TSHZ2: variants seen among roughly 807,000 people sequenced by gnomAD.
TSHZ2 encodes the protein teashirt homolog 2.
Under a neutral mutation model 74.4 loss-of-function variants are expected in TSHZ2, and 21 were observed. The ratio of observed to expected loss-of-function variants is 0.28; its 90% CI spans 0.20 to 0.41. The LOEUF (loss-of-function observed/expected upper bound fraction) is 0.41, where lower values mean the gene tolerates loss of function less well. TSHZ2 is among the 10% of genes least tolerant of loss of function. TSHZ2 has a pLI of 1.00. For missense variants in TSHZ2, 1,244 were observed against 1,293.5 expected, an observed-to-expected ratio of 0.96 and a Z score of 0.59; for synonymous variants, 540 against 515.3, an observed-to-expected ratio of 1.05 and a Z score of -0.65.
At chr20:53,175,131 C>CTTTT (rs750453219) in intron 1 of TSHZ2, among the ~76,000 whole-genome samples, 714 of 63,590 alleles carry the variant, frequency 0.011, 46 homozygotes, top group East Asian at 0.034. Context: ...CTTCTTCTTT[C>CTTTT]TTTTTTTTTT....
At position 53,469,658 on chromosome 20, in the gene TSHZ2, AAGG is replaced by A. The variant is rs1568931992; in HGVS notation, c.*9-17484_*9-17482del. Among the ~76,000 whole-genome samples the A allele has an allele frequency of 5.0e-5, 4 of 79,682 alleles. 1 individual carries two copies. Among genetic ancestry groups the A allele is most frequent in the South Asian group, 8.7e-4 (2 of 2,298 alleles). The allele number at this position is 79,682 out of a possible 152,430, so 52.3% of individuals were successfully genotyped here. A position where few individuals can be genotyped will look rare whatever the true frequency, so the allele number is the denominator to read the frequency against. ...GGAGGAAGGAAGGAAGGAAGGAAGG[AAGG>A]AAGGAAGGAAGGAAGGAAGGAAGGA... On this transcript the variant is annotated intron_variant, in intron 2 of 2. Transcript: ENST00000371497.
rs148630262 is a variant in TSHZ2 at position 53,111,146 on chromosome 20, G to A, written c.40+137813G>A. Among the ~76,000 whole-genome samples, 632 of 152,324 alleles carry A rather than the reference G, an allele frequency of 4.1e-3. 1 individual carries two copies. The highest frequency in any genetic ancestry group is 7.4e-3 in the Non-Finnish European group (504 of 68,026). On this transcript the variant is annotated intron_variant, in intron 1 of 2. Coordinates refer to ENST00000371497, the MANE Select transcript of TSHZ2 (RefSeq NM_173485.6). ...AGTTCAGAAATCAAAATGATAATTT[G>A]ATATAAAAGGAAATTGTCCAAGAGG...
chr20:53,106,793 G>A (rs1385913928), intron 1 of TSHZ2, among the ~76,000 whole-genome samples: 3 of 150,342 alleles, frequency 2.0e-5, no homozygotes, highest in Non-Finnish European at 4.4e-5. Context: ...CACCTCCCAG[G>A]TTCAAGCGAT....
intron 1 of TSHZ2, among the ~76,000 whole-genome samples, chr20:53,063,218 C>T (rs1201639973): frequency 1.3e-5 from 2 of 152,100 alleles, no homozygotes; most frequent in Non-Finnish European, 2.9e-5. Context: ...TGCCACAAAC[C>T]TTCAATTTGT....
At chr20:53,138,697 C>A (rs1359098986) in intron 1 of TSHZ2, among the ~76,000 whole-genome samples, 1 of 152,186 alleles carries the variant, frequency 6.6e-6, no homozygotes, top group Non-Finnish European at 1.5e-5. Context: ...TTTGAGAACC[C>A]TTCTCTAAGT....
At chr20:53,240,770 G>C (rs969416034) in intron 1 of TSHZ2, among the ~76,000 whole-genome samples, 1 of 149,720 alleles carries the variant, frequency 6.7e-6, no homozygotes, top group African/African-American at 2.5e-5. Flanking sequence ...TAGATAGATA[G>C]ATATGGTTTT....
rs1981002219 is a variant in TSHZ2, at chr20:53,360,300, C to T, written c.*8+103729C>T. 2.6e-5 allele frequency among the ~76,000 whole-genome samples: 4 copies of T among 152,226 alleles called. No homozygotes were observed. The South Asian group carries it at 8.3e-4, about 31-fold the overall frequency. On this transcript the variant is annotated intron_variant, in intron 2 of 2. Coordinates refer to ENST00000371497, the MANE Select transcript of TSHZ2 (RefSeq NM_173485.6). ...TGCACACTTATGGTTACACATATCA[C>T]CTCCTTTTATGTCCTAAGGTGTAAT...
At chr20:53,218,439 A>G (rs1989483505) in intron 1 of TSHZ2, among the ~76,000 whole-genome samples, 1 of 152,284 alleles carries the variant, frequency 6.6e-6, no homozygotes, top group Admixed American at 6.5e-5. Context: ...AATCGTAATA[A>G]TAATGTACAC....
chr20:53,257,673 T>C (rs1990511707), intron 2 of TSHZ2, among the ~76,000 whole-genome samples: 1 of 152,208 alleles, frequency 6.6e-6, no homozygotes, highest in Non-Finnish European at 1.5e-5. Context: ...CTAAGGGCCC[T>C]CCTATGTGTT....
intron 2 of TSHZ2, among the ~76,000 whole-genome samples, chr20:53,269,215 C>T (rs1167055774): frequency 1.3e-5 from 2 of 151,992 alleles, no homozygotes; most frequent in African/African-American, 2.4e-5. Context: ...CCCCTCAACC[C>T]CCAGCCCTTG....
rs1986335335 is a variant in TSHZ2 at position 53,487,881 on chromosome 20, C to G, written c.*746C>G. On this transcript the variant is annotated 3_prime_UTR_variant, in exon 3 of 3. Coordinates refer to ENST00000371497, the MANE Select transcript of TSHZ2 (RefSeq NM_173485.6). ...CTATGCAGTGGTGGGGCACCTTGAT[C>G]ATCATCATTATCTTGATTGGCTGAA... The G allele has an allele frequency of 1.3e-5, 2 of 152,092 alleles. No individual in the cohort carries two copies. Among genetic ancestry groups the G allele is most frequent in the Non-Finnish European group, 1.5e-5 (1 of 68,030 alleles). The allele number at this position is 152,092 out of a possible 1,614,324, so 9.4% of individuals were successfully genotyped here. A position where few individuals can be genotyped will look rare whatever the true frequency, so the allele number is the denominator to read the frequency against.
intron 1 of TSHZ2, among the ~76,000 whole-genome samples, chr20:53,140,790 C>T (rs956573626): frequency 1.3e-5 from 2 of 152,144 alleles, no homozygotes; most frequent in African/African-American, 4.8e-5. Context: ...CTGATCTGTG[C>T]ATCACTCTGG....
At chr20:53,123,551 T>A (rs1354316420) in intron 1 of TSHZ2, among the ~76,000 whole-genome samples, 4 of 152,158 alleles carry the variant, frequency 2.6e-5, no homozygotes, top group Non-Finnish European at 5.9e-5. Context: ...CATCAATGGC[T>A]GAGGGTAAAA....
chr20:53,362,242 T>C (rs1981091440), intron 2 of TSHZ2, among the ~76,000 whole-genome samples: 1 of 149,586 alleles, frequency 6.7e-6, no homozygotes. Context: ...CGGAGCGCAG[T>C]GGCAGGATCT....
intron 1 of TSHZ2, among the ~76,000 whole-genome samples, chr20:53,024,689 C>A (rs982104183): frequency 1.4e-4 from 22 of 152,076 alleles, no homozygotes; most frequent in African/African-American, 5.1e-4. Flanking sequence ...ATGTTCCCCC[C>A]ACTGTGTCCA....
intron 2 of TSHZ2, among the ~76,000 whole-genome samples, chr20:53,302,199 T>A: frequency 6.6e-6 from 1 of 152,170 alleles, no homozygotes; most frequent in East Asian, 1.9e-4. Flanking sequence ...TTCTTCAATT[T>A]GTCAACATCG....
chr20:52,973,180 C>A lies in TSHZ2; in HGVS notation c.-114C>A. On this transcript the variant is annotated 5_prime_UTR_variant, in exon 1 of 3. Transcript: ENST00000371497. The stretch of plus-strand genomic sequence containing the variant: ...AGGGGGACAGAGGCCGAGTGACGTC[C>A]TAGGAGCCACCGGGCAAGAGGCGGA... The A allele has an allele frequency of 1.4e-6, 2 of 1,407,354 alleles. No individual in the cohort carries two copies. The highest frequency in any genetic ancestry group is 2.0e-6 in the Non-Finnish European group (2 of 1,023,394). The allele number at this position is 1,407,354 out of a possible 1,614,324, so 87.2% of individuals were successfully genotyped here.
At chr20:53,422,654 C>A (rs1246282972) in intron 2 of TSHZ2, among the ~76,000 whole-genome samples, 1 of 152,186 alleles carries the variant, frequency 6.6e-6, no homozygotes, top group Non-Finnish European at 1.5e-5. Flanking sequence ...CCAGGCCTCT[C>A]ATTACCACCT....
chr20:53,444,331 C>A (rs1203942082), intron 2 of TSHZ2, among the ~76,000 whole-genome samples: 1 of 152,214 alleles, frequency 6.6e-6, no homozygotes, highest in Non-Finnish European at 1.5e-5. Context: ...CTCAACTCCA[C>A]GGACACTAGT....
Sources: allele counts gnomAD v4.1 joint callset (sites outside exome capture counted in the v4.1 genomes callset), GRCh38; gene constraint gnomAD v4.1.1; transcripts MANE v1.5; gene names NCBI Gene and HGNC (gene_info 2026-07-23, HGNC 2026-07-21).